The following XXYLT1 variants were observed in gnomAD, a reference collection of about 807,000 sequenced individuals.
XXYLT1 encodes xyloside xylosyltransferase 1.
XXYLT1 carries 20 observed loss-of-function variants against 28.9 expected under a neutral mutation model. The ratio of observed to expected loss-of-function variants is 0.69; its 90% confidence interval spans 0.49 to 1.00. The LOEUF is 1.00. XXYLT1 is among the 50% of genes least tolerant of loss of function. The pLI is 0.00. For missense variants in XXYLT1, 542 were observed against 560.1 expected, an observed-to-expected ratio of 0.97 and a Z score of 0.33; for synonymous variants, 257 against 253.8, an observed-to-expected ratio of 1.01 and a Z score of -0.12.
chr3:195,188,028 G>A (rs770763742), intron 2 of XXYLT1, among the ~76,000 whole-genome samples: 2 of 152,094 alleles, frequency 1.3e-5, no homozygotes, highest in Admixed American at 6.5e-5. Context: ...ACGTCTCAAC[G>A]AGCTTGCTTG....
rs578045226 is a variant in XXYLT1 at position 195,079,881 on chromosome 3, G to A, written c.786-9770C>T. ...ACAGGCAAATAAAGGGTGAGGGTGT[G>A]GGCAGAGTCAGGTGACTCTGGGACT... On this transcript the variant is annotated intron_variant, in intron 3 of 3. Coordinates refer to ENST00000310380, the MANE Select transcript of XXYLT1 (RefSeq NM_152531.5). Among the ~76,000 whole-genome samples, 4 of 152,276 alleles carry A rather than the reference G, an allele frequency of 2.6e-5. No individual in the cohort carries two copies. In the East Asian group the frequency reaches 7.7e-4, roughly 29 times the overall value.
At chr3:195,099,580 C>T (rs544589104) in intron 3 of XXYLT1, among the ~76,000 whole-genome samples, 63 of 152,150 alleles carry the variant, frequency 4.1e-4, no homozygotes, top group African/African-American at 1.5e-3. Flanking sequence ...CCTATAATTC[C>T]AGCACTTTGG....
In XXYLT1 at chr3:195,252,692, C is replaced by CCACACACA. The variant is rs774827660; in HGVS notation, c.504+17855_504+17862dup. On this transcript the variant is annotated intron_variant, in intron 1 of 3. Transcript: ENST00000310380. ...GAACAATTCAAAAGAAGAAAAAAAA[C>CCACACACA]CACACACACACACACACACACACAC... Among the ~76,000 whole-genome samples the CCACACACA allele has an allele frequency of 7.4e-3, 623 of 84,130 alleles. 4 individuals are homozygous for CCACACACA. Among genetic ancestry groups the CCACACACA allele is most frequent in the East Asian group, 0.028 (63 of 2,240 alleles). 55.2% of individuals were successfully genotyped at this position (84,130 alleles called of 152,430 possible). A position where few individuals can be genotyped will look rare whatever the true frequency, so the allele number is the denominator to read the frequency against.
chr3:195,245,508 CT>C (rs1724984106), intron 1 of XXYLT1, among the ~76,000 whole-genome samples: 1 of 152,082 alleles, frequency 6.6e-6, no homozygotes, highest in African/African-American at 2.4e-5. Flanking sequence ...CTGGACACAC[CT>C]GTTCTAGAGT....
intron 1 of XXYLT1, among the ~76,000 whole-genome samples, chr3:195,260,394 A>G (rs953256709): frequency 6.6e-6 from 1 of 152,170 alleles, no homozygotes; most frequent in Non-Finnish European, 1.5e-5. Context: ...GGAGCACAGG[A>G]CAAAACCTGT....
At chr3:195,264,731 C>T (rs1022079143) in intron 1 of XXYLT1, among the ~76,000 whole-genome samples, 4 of 152,180 alleles carry the variant, frequency 2.6e-5, no homozygotes, top group African/African-American at 9.7e-5. Flanking sequence ...CTTAACAACA[C>T]CCTATGAATG....
Position 195,176,749 on chromosome 3 carries a change from G to A in XXYLT1, c.653-20168C>T, listed in dbSNP as rs1028318804. 2.0e-5 allele frequency among the ~76,000 whole-genome samples: 3 copies of A among 152,172 alleles called. No homozygotes were observed. Among genetic ancestry groups the A allele is most frequent in the African/African-American group, 7.2e-5 (3 of 41,434 alleles). ...CTAAACATGCAAAAGGCAGATGTTT[G>A]GGGTTGGAATTGACAATATGAAAAG... is the stretch of plus-strand genomic sequence containing the variant. On this transcript the variant is annotated intron_variant, in intron 2 of 3. Transcript: ENST00000310380. The surrounding 1 kb of genome is among the most constrained non-coding windows in gnomAD (Gnocchi z 4.9).
chr3:195,192,873 G>A (rs1393242026), intron 2 of XXYLT1, among the ~76,000 whole-genome samples: 5 of 152,126 alleles, frequency 3.3e-5, no homozygotes, highest in African/African-American at 9.7e-5. Flanking sequence ...ACATAATCCT[G>A]TATGTTAAAA....
At chr3:195,164,519 G>A (rs1025255450) in intron 2 of XXYLT1, among the ~76,000 whole-genome samples, 2 of 152,174 alleles carry the variant, frequency 1.3e-5, no homozygotes, top group African/African-American at 4.8e-5. Context: ...CTGCATTTGT[G>A]TCCCACTGGG....
At chr3:195,239,442 C>G (rs1724689172) in intron 1 of XXYLT1, among the ~76,000 whole-genome samples, 1 of 152,138 alleles carries the variant, frequency 6.6e-6, no homozygotes, top group Non-Finnish European at 1.5e-5. Flanking sequence ...ACCTCGAGAG[C>G]TGCAAGAAGA....
rs568291979 is a variant in XXYLT1, at chr3:195,088,166, A to G, written c.786-18055T>C. 3.3e-3 allele frequency among the ~76,000 whole-genome samples: 497 copies of G among 151,754 alleles called. 5 individuals are homozygous for G. The highest frequency in any genetic ancestry group is 4.6e-3 in the Non-Finnish European group (312 of 67,860). ...TAAACAAAGCAGCCGGGAAGCTCGA[A>G]CTGGGTGGAGCCCACCACAGCTCAA... On this transcript the variant is annotated intron_variant, in intron 3 of 3. Coordinates refer to ENST00000310380, the MANE Select transcript of XXYLT1 (RefSeq NM_152531.5).
Position 195,176,682 on chromosome 3 carries a change from C to A in XXYLT1, c.653-20101G>T, listed in dbSNP as rs1222790446. On this transcript the variant is annotated intron_variant, in intron 2 of 3. Transcript: ENST00000310380. This position sits in a 1 kb window ranked among gnomAD's most constrained non-coding sequence, Gnocchi z 4.9. ...GAGGAAGCAAGACAGTAATCTGTAT[C>A]CCACACCACAGCTGGCACTCCCTTA... is the stretch of plus-strand genomic sequence containing the variant. Among the ~76,000 whole-genome samples the A allele has an allele frequency of 1.3e-5, 2 of 152,198 alleles. No homozygotes were observed. The highest frequency in any genetic ancestry group is 2.9e-5 in the Non-Finnish European group (2 of 68,040).
chr3:195,264,521 CA>C (rs34622677), intron 1 of XXYLT1, among the ~76,000 whole-genome samples: 4,171 of 152,352 alleles, frequency 0.027, 132 homozygotes, highest in East Asian at 0.11. Flanking sequence ...CTGACAACCA[CA>C]CACTTGCTAT....
At chr3:195,147,170 A>G (rs1016153962) in intron 3 of XXYLT1, among the ~76,000 whole-genome samples, 1 of 152,044 alleles carries the variant, frequency 6.6e-6, no homozygotes, top group Non-Finnish European at 1.5e-5. Flanking sequence ...TATCTACCCT[A>G]TCTCCCTCAC....
rs139362656 is a variant in XXYLT1 at position 195,079,326 on chromosome 3, G to C, written c.786-9215C>G. On this transcript the variant is annotated intron_variant, in intron 3 of 3. Coordinates refer to ENST00000310380, the MANE Select transcript of XXYLT1 (RefSeq NM_152531.5). ...GGCACCTAGAGGCAAACAGAGGACA[G>C]AGGGGAGGATATTTTCCAAAGAGGG... Among the ~76,000 whole-genome samples, 443 of 152,292 alleles carry C rather than the reference G, an allele frequency of 2.9e-3. 2 individuals are homozygous for C. The highest frequency in any genetic ancestry group is 0.01 in the African/African-American group (425 of 41,544).
In XXYLT1 at chr3:195,088,517, C is replaced by A. The variant is rs1237964505; in HGVS notation, c.786-18406G>T. Among the ~76,000 whole-genome samples, 2 of 131,028 alleles carry A rather than the reference C, an allele frequency of 1.5e-5. 1 individual carries two copies. Among genetic ancestry groups the A allele is most frequent in the East Asian group, 4.8e-4 (2 of 4,180 alleles). The allele number at this position is 131,028 out of a possible 152,430, so 86.0% of individuals were successfully genotyped here. A position where few individuals can be genotyped will look rare whatever the true frequency, so the allele number is the denominator to read the frequency against. ...ACAGAAAGGACATCCACACCAAAAACCCATCTGTACATCACCATCATCAAA... is the reference window on the plus strand; with the variant it reads ...ACAGAAAGGACATCCACACCAAAAAACCATCTGTACATCACCATCATCAAA... On this transcript the variant is annotated intron_variant, in intron 3 of 3. Coordinates refer to ENST00000310380, the MANE Select transcript of XXYLT1 (RefSeq NM_152531.5).
At chr3:195,107,098 G>T (rs887160872) in intron 3 of XXYLT1, among the ~76,000 whole-genome samples, 1 of 151,666 alleles carries the variant, frequency 6.6e-6, no homozygotes, top group South Asian at 2.1e-4. Flanking sequence ...GAGAGCTCTC[G>T]TTTTGTTTTG....
chr3:195,271,098 G>A lies in XXYLT1; in HGVS notation c.-40C>T, dbSNP rs1726013908. The A allele has an allele frequency of 1.5e-6, 2 of 1,304,014 alleles. No individual in the cohort carries two copies. The highest frequency in any genetic ancestry group is 1.9e-6 in the Non-Finnish European group (2 of 1,029,636). The allele number at this position is 1,304,014 out of a possible 1,614,324, so 80.8% of individuals were successfully genotyped here. On this transcript the variant is annotated 5_prime_UTR_variant, in exon 1 of 4. Transcript: ENST00000310380. ...CGGCGCCAGCGGTGCCAGCAACGCG[G>A]GAGAGCCCTCGGGTACCCGGACGCC... is the stretch of plus-strand genomic sequence containing the variant.
At chr3:195,224,862 G>A (rs1723981984) in intron 2 of XXYLT1, among the ~76,000 whole-genome samples, 2 of 152,202 alleles carry the variant, frequency 1.3e-5, no homozygotes, top group South Asian at 4.1e-4. Context: ...GAGACAAAGT[G>A]GCTCAGCCCT....
Sources: gnomAD v4.1 joint callset for allele counts (sites outside exome capture counted in the v4.1 genomes callset) on GRCh38, gnomAD v4.1.1 for gene constraint, Gnocchi (gnomAD v3.1) non-coding constraint, MANE v1.5 for transcripts, NCBI Gene and HGNC (gene_info 2026-07-23, HGNC 2026-07-21) for gene names.